ITPR1: variants seen among roughly 807,000 people sequenced by gnomAD.
ITPR1 encodes the protein inositol 1,4,5-trisphosphate-gated calcium channel ITPR1.
In ITPR1, 96 loss-of-function variants were observed where a neutral mutation model predicts 318.4. The observed-to-expected ratio is 0.30, with a 90% CI of 0.26 to 0.36. The LOEUF (loss-of-function observed/expected upper bound fraction) is 0.36. Ranked by LOEUF, ITPR1 falls within the 10% of genes least tolerant of loss-of-function variation. The pLI is 1.00. For missense variants in ITPR1, 2,440 were observed against 3,460.2 expected, an observed-to-expected ratio of 0.71 and a Z score of 7.40; for synonymous variants, 1,312 against 1,289.9, an observed-to-expected ratio of 1.02 and a Z score of -0.37.
At chr3:4,739,377 C>G (rs978358335) in intron 44 of ITPR1, among the ~76,000 whole-genome samples, 13 of 152,156 alleles carry the variant, frequency 8.5e-5, no homozygotes, top group African/African-American at 3.1e-4. Context: ...AGCTGGCCTT[C>G]TTGAGATCCA....
At chr3:4,766,788 C>A in intron 45 of ITPR1, 78 bp downstream of exon 45, 1 of 1,175,918 alleles carries the variant, frequency 8.5e-7, no homozygotes, top group Non-Finnish European at 1.2e-6. Flanking sequence ...GTTTTCATTA[C>A]TTCTGTGCTC....
intron 53 of ITPR1, among the ~76,000 whole-genome samples, chr3:4,795,419 A>G (rs753333011): frequency 9.8e-5 from 15 of 152,362 alleles, no homozygotes; most frequent in African/African-American, 1.4e-4. Context: ...AAGCAGCTAG[A>G]TACTATTAAA....
intron 61 of ITPR1, among the ~76,000 whole-genome samples, chr3:4,839,648 C>T (rs1373481077): frequency 2.0e-5 from 3 of 152,232 alleles, no homozygotes; most frequent in South Asian, 2.1e-4. Context: ...TCATTTTATA[C>T]AAGTGAGCAT....
At chr3:4,631,054 G>A (rs749892943) in intron 5 of ITPR1, among the ~76,000 whole-genome samples, 8 of 152,150 alleles carry the variant, frequency 5.3e-5, no homozygotes, top group Non-Finnish European at 7.4e-5. Flanking sequence ...ACAACTTGAC[G>A]TGAATATGTG....
intron 44 of ITPR1, among the ~76,000 whole-genome samples, chr3:4,758,182 A>T (rs903498220): frequency 2.6e-5 from 4 of 152,126 alleles, no homozygotes; most frequent in African/African-American, 9.7e-5. Context: ...GCCATGTCTT[A>T]TGAGGCAGTG....
rs891079653 is a variant in ITPR1, at chr3:4,836,766, G to C, written c.8029-8G>C. On this transcript the variant is annotated splice_polypyrimidine_tract_variant and splice_region_variant and intron_variant, in intron 60 of 61. Coordinates refer to ENST00000649015, the MANE Select transcript of ITPR1 (RefSeq NM_001378452.1). ...TTTTTTTTTTTTTTTTTTTAATGTGGATTCTAGGAAAGAAACCTTGACTGG... is the reference window on the plus strand; with the variant it reads ...TTTTTTTTTTTTTTTTTTTAATGTGCATTCTAGGAAAGAAACCTTGACTGG... The C allele has an allele frequency of 2.0e-6, 2 of 1,006,588 alleles. No individual in the cohort carries two copies. Among genetic ancestry groups the C allele is most frequent in the Middle Eastern group, 2.9e-4 (1 of 3,464 alleles). The allele number at this position is 1,006,588 out of a possible 1,614,324, so 62.4% of individuals were successfully genotyped here.
rs1477286526 is a variant in ITPR1 at position 4,669,566 on chromosome 3, G to A, written c.1887-88G>A. ...TGACATGTCTTGGTAAAGGTATGTT[G>A]GACCTGTGCACTTAAGGAAGAATTG... On this transcript the variant is annotated intron_variant, in intron 18 of 61. Transcript: ENST00000649015. 4 of 1,313,806 alleles carry A rather than the reference G, an allele frequency of 3.0e-6. No homozygotes were observed. The Admixed American group carries it at 8.6e-5, about 28-fold the overall frequency. 81.4% of individuals were successfully genotyped at this position (1,313,806 alleles called of 1,614,324 possible).
chr3:4,659,546 G>A (rs529911828), intron 13 of ITPR1, among the ~76,000 whole-genome samples: 76 of 152,134 alleles, frequency 5.0e-4, no homozygotes, highest in Non-Finnish European at 1.0e-3. Flanking sequence ...ATTTAACCGG[G>A]CATGGTGGCA....
intron 60 of ITPR1, among the ~76,000 whole-genome samples, chr3:4,834,666 G>T (rs767178097): frequency 2.0e-5 from 3 of 152,186 alleles, no homozygotes; most frequent in Non-Finnish European, 4.4e-5. Context: ...GGAAGATGTG[G>T]CTGTGTCTGA....
chr3:4,737,258 C>T (rs767532673), intron 44 of ITPR1, among the ~76,000 whole-genome samples: 25 of 152,228 alleles, frequency 1.6e-4, no homozygotes, highest in South Asian at 4.1e-4. Context: ...TGTGCACATA[C>T]GATGCTATGT....
chr3:4,697,197 G>T lies in ITPR1; in HGVS notation c.4332G>T (p.Glu1444Asp). Residue 1444 changes from glutamate to aspartate, a missense_variant, in exon 34 of 62, where the codon GAG becomes GAT. Around this residue, in one of 23 missense-constraint regions of ITPR1, gnomAD observed 222 missense variants for 318.8 expected, o/e 0.70. Coordinates refer to ENST00000649015, the MANE Select transcript of ITPR1 (RefSeq NM_001378452.1). Reference sequence around the variant, plus strand: ...TGAATCACTGCTATGTGGATACAGAGGTGGAAATGAAGGAGATTTATACCA... The same window carrying T: ...TGAATCACTGCTATGTGGATACAGATGTGGAAATGAAGGAGATTTATACCA... ...NFLNHCYVDT[E>D]VEMKEIYTSN... The T allele has an allele frequency of 6.2e-7, 1 of 1,605,154 alleles. No individual in the cohort carries two copies. The highest frequency in any genetic ancestry group is 8.5e-7 in the Non-Finnish European group (1 of 1,175,098).
chr3:4,658,202 C>T lies in ITPR1; in HGVS notation c.1075C>T (p.Pro359Ser), dbSNP rs771837072. The change falls in exon 13 of 62, where the codon CCT becomes TCT. Residue 359 changes from proline to serine, a missense_variant. By Grantham distance (74) the Pro-to-Ser change is moderately conservative (BLOSUM62 -1). Transcript: ENST00000649015. ...EKMVYSLVSV[P>S]EGNDISSIFE... The stretch of plus-strand genomic sequence containing the variant: ...GATGGTATACTCCCTGGTCTCTGTG[C>T]CTGAAGGCAATGACATCTCCTCCAT... The T allele has an allele frequency of 1.2e-6, 2 of 1,613,578 alleles. No homozygotes were observed. The highest frequency in any genetic ancestry group is 1.7e-6 in the Non-Finnish European group (2 of 1,179,598).
At chr3:4,813,305 G>A (rs569819951) in intron 57 of ITPR1, 71 bp downstream of exon 57, 598 of 1,045,654 alleles carry the variant, frequency 5.7e-4, no homozygotes, top group Non-Finnish European at 7.7e-4. Context: ...TGCAGGTGAT[G>A]TTGGAAGAAG....
At chr3:4,776,698 C>T (rs1021322733) in intron 47 of ITPR1, among the ~76,000 whole-genome samples, 1 of 152,192 alleles carries the variant, frequency 6.6e-6, no homozygotes, top group Non-Finnish European at 1.5e-5. Context: ...CTTTATTTGA[C>T]ATCTAAGTGA....
intron 20 of ITPR1, among the ~76,000 whole-genome samples, 171 bp downstream of exon 20, chr3:4,671,097 T>C (rs2094068741): frequency 6.6e-6 from 1 of 152,166 alleles, no homozygotes; most frequent in Non-Finnish European, 1.5e-5. Context: ...AGATTTCAGT[T>C]AGTTGACATC....
rs557144837 is a variant in ITPR1, at chr3:4,710,175, T to C, written c.4843-150T>C. Reference sequence around the variant, plus strand: ...AATGTTTCAGGTAACCATTGGGCAATGTCTAATAATTTGAGATGCCAGACG... The same window carrying C: ...AATGTTTCAGGTAACCATTGGGCAACGTCTAATAATTTGAGATGCCAGACG... On this transcript the variant is annotated intron_variant, in intron 37 of 61. Coordinates refer to ENST00000649015, the MANE Select transcript of ITPR1 (RefSeq NM_001378452.1). The surrounding 1 kb of genome is among the most constrained non-coding windows in gnomAD (Gnocchi z 4.2). 3.0e-5 allele frequency: 18 copies of C among 606,040 alleles called. No homozygotes were observed. The highest frequency in any genetic ancestry group is 5.7e-5 in the African/African-American group (3 of 52,776). 37.5% of individuals were successfully genotyped at this position (606,040 alleles called of 1,614,324 possible).
At chr3:4,582,270 G>A (rs960063931) in intron 4 of ITPR1, among the ~76,000 whole-genome samples, 3 of 152,016 alleles carry the variant, frequency 2.0e-5, no homozygotes, top group Admixed American at 2.0e-4. Flanking sequence ...AGACTTGTTC[G>A]AACATGCCAA....
chr3:4,516,514 T>G lies in ITPR1; in HGVS notation c.23T>G (p.Phe8Cys). Reference protein sequence around the residue: MSDKMSSFLHIGDICSLY... With the variant: MSDKMSSCLHIGDICSLY... ...GACATGTCTGACAAAATGTCTAGCT[T>G]CCTACATATTGGAGACATTTGTTCT... Residue 8 changes from phenylalanine to cysteine, a missense_variant, in exon 3 of 62, where the codon TTC becomes TGC. Around this residue, in one of 23 missense-constraint regions of ITPR1, gnomAD observed 186 missense variants for 323.9 expected, o/e 0.57. Transcript: ENST00000649015. The G allele has an allele frequency of 6.3e-7, 1 of 1,592,582 alleles. No individual in the cohort carries two copies. Among genetic ancestry groups the G allele is most frequent in the Non-Finnish European group, 8.5e-7 (1 of 1,170,344 alleles).
At chr3:4,708,048 G>T (rs1208866728) in intron 37 of ITPR1, among the ~76,000 whole-genome samples, 3 of 152,160 alleles carry the variant, frequency 2.0e-5, no homozygotes, top group Admixed American at 6.5e-5. Flanking sequence ...GAAAGATTCT[G>T]ATGAGGAAAC....
Sources: allele counts gnomAD v4.1 joint callset (sites outside exome capture counted in the v4.1 genomes callset), GRCh38; gene constraint gnomAD v4.1.1; regional missense constraint gnomAD v4.1.1; non-coding constraint Gnocchi (gnomAD v3.1); transcripts MANE v1.5; gene names NCBI Gene and HGNC (gene_info 2026-07-23, HGNC 2026-07-21).